The following ADK variants were observed in gnomAD, a reference collection of about 807,000 sequenced individuals.
ADK encodes adenosine kinase, also known as N6,N6-dimethyladenosine kinase.
Under a neutral mutation model 44.7 loss-of-function variants are expected in ADK, and 24 were observed. The ratio of observed to expected loss-of-function variants is 0.54; its 90% CI spans 0.39 to 0.76. The LOEUF (loss-of-function observed/expected upper bound fraction) is 0.76, where lower values mean the gene tolerates loss of function less well. Ranked by LOEUF, ADK falls within the 30% of genes least tolerant of loss-of-function variation. The pLI is 0.00. For synonymous variants in ADK, 128 were observed against 142.6 expected (o/e 0.90, Z 0.73); for missense variants, 321 against 425.1 (o/e 0.76, Z 2.15).
intron 6 of ADK, among the ~76,000 whole-genome samples, chr10:74,520,320 T>G (rs928058181): frequency 1.4e-5 from 2 of 144,196 alleles, no homozygotes; most frequent in African/African-American, 5.8e-5. Flanking sequence ...AACAAAGTCT[T>G]TTTTTTTTCT....
At chr10:74,539,314 G>A (rs1467598054) in intron 7 of ADK, among the ~76,000 whole-genome samples, 1 of 152,092 alleles carries the variant, frequency 6.6e-6, no homozygotes, top group Non-Finnish European at 1.5e-5. Context: ...AGGCATGAGC[G>A]ACCAAGCCTG....
intron 9 of ADK, among the ~76,000 whole-genome samples, chr10:74,618,612 TGAAAG>T (rs1852865020): frequency 6.6e-6 from 1 of 152,188 alleles, no homozygotes; most frequent in African/African-American, 2.4e-5. Flanking sequence ...TTTGTTTGTC[TGAAAG>T]TTTCCTTTTG....
intron 6 of ADK, among the ~76,000 whole-genome samples, chr10:74,456,473 G>A (rs919566526): frequency 6.6e-6 from 1 of 151,920 alleles, no homozygotes; most frequent in African/African-American, 2.4e-5. Context: ...AGGAGATCGA[G>A]ACCATCCTGG....
At chr10:74,556,752 T>C (rs891092024) in intron 7 of ADK, among the ~76,000 whole-genome samples, 24 of 152,226 alleles carry the variant, frequency 1.6e-4, no homozygotes, top group South Asian at 4.1e-4. Flanking sequence ...GGCATGCTAT[T>C]AGTTCCTTTT....
At chr10:74,591,896 C>T (rs1352885078) in intron 8 of ADK, among the ~76,000 whole-genome samples, 1 of 152,126 alleles carries the variant, frequency 6.6e-6, no homozygotes, top group African/African-American at 2.4e-5. Flanking sequence ...AGTATTGCCA[C>T]TAGTGATCTG....
At chr10:74,378,657 AC>A (rs1282535410) in intron 4 of ADK, among the ~76,000 whole-genome samples, 2 of 152,220 alleles carry the variant, frequency 1.3e-5, no homozygotes, top group Admixed American at 6.5e-5. Context: ...CAGAAGCAAC[AC>A]TTTACAATGT....
At chr10:74,658,864 C>G (rs1023628566) in intron 9 of ADK, among the ~76,000 whole-genome samples, 6 of 151,824 alleles carry the variant, frequency 4.0e-5, no homozygotes, top group Non-Finnish European at 5.9e-5. Context: ...TAACAGAAAC[C>G]TCGTTAATTC....
chr10:74,618,367 TGCA>T (rs967514350), intron 9 of ADK, among the ~76,000 whole-genome samples: 8 of 152,320 alleles, frequency 5.3e-5, no homozygotes, highest in Admixed American at 5.2e-4. Context: ...CTCAGCTCAC[TGCA>T]GCCTCCACCT....
chr10:74,549,026 C>A (rs1026666506), intron 7 of ADK, among the ~76,000 whole-genome samples: 1 of 152,182 alleles, frequency 6.6e-6, no homozygotes, highest in Non-Finnish European at 1.5e-5. Context: ...ACAGACATGG[C>A]TTCTACCCTC....
intron 4 of ADK, among the ~76,000 whole-genome samples, chr10:74,352,505 T>C (rs111939889): frequency 5.9e-5 from 9 of 152,318 alleles, no homozygotes; most frequent in African/African-American, 2.2e-4. Flanking sequence ...ATTCAGGACA[T>C]AGGCATGGGC....
chr10:74,527,496 GGA>G, intron 7 of ADK: 2 of 591,972 alleles, frequency 3.4e-6, no homozygotes, highest in Non-Finnish European at 6.1e-6. Flanking sequence ...TCTTAATTAA[GGA>G]GAGAATGTGG....
At chr10:74,402,090 A>G (rs1843735991) in intron 6 of ADK, among the ~76,000 whole-genome samples, 1 of 152,148 alleles carries the variant, frequency 6.6e-6, no homozygotes, top group African/African-American at 2.4e-5. Context: ...TGGCTTGTAG[A>G]GTGTCTGCAG....
chr10:74,600,546 C>CAAA (rs200627441), intron 9 of ADK, 53 bp downstream of exon 9: 9 of 1,158,024 alleles, frequency 7.8e-6, no homozygotes, highest in Non-Finnish European at 1.1e-5. Flanking sequence ...TAATCAATTA[C>CAAA]AAAAAAAAAT....
intron 1 of ADK, among the ~76,000 whole-genome samples, chr10:74,155,557 TC>T (rs981428293): frequency 6.6e-6 from 1 of 152,132 alleles, no homozygotes; most frequent in African/African-American, 2.4e-5. Flanking sequence ...TGAGACAGAG[TC>T]TCGCTCTGTC....
intron 9 of ADK, among the ~76,000 whole-genome samples, chr10:74,633,283 A>G (rs1444909130): frequency 6.6e-6 from 1 of 152,150 alleles, no homozygotes; most frequent in African/African-American, 2.4e-5. Context: ...TGCTTAATAT[A>G]TCTTAGAGAT....
At chr10:74,301,372 G>A (rs1840025535) in intron 3 of ADK, among the ~76,000 whole-genome samples, 1 of 151,788 alleles carries the variant, frequency 6.6e-6, no homozygotes, top group Admixed American at 6.6e-5. Flanking sequence ...AAATTAGCTG[G>A]GCGTGGTGGC....
At chr10:74,213,714 TA>T (rs1044927288) in intron 2 of ADK, among the ~76,000 whole-genome samples, 1 of 152,170 alleles carries the variant, frequency 6.6e-6, no homozygotes, top group Non-Finnish European at 1.5e-5. Context: ...TCTAGTAAAG[TA>T]ATGCCTAAAA....
chr10:74,272,303 G>C (rs901618573), intron 3 of ADK, among the ~76,000 whole-genome samples: 2 of 151,154 alleles, frequency 1.3e-5, no homozygotes, highest in Non-Finnish European at 2.9e-5. Flanking sequence ...TTTGAGACAG[G>C]GTCTCACTCT....
intron 2 of ADK, among the ~76,000 whole-genome samples, chr10:74,218,685 C>A (rs1014675130): frequency 7.8e-4 from 119 of 152,340 alleles, no homozygotes; most frequent in African/African-American, 2.7e-3. Flanking sequence ...AAAAACTCTA[C>A]AAGCCAGAAG....
Sources: allele counts gnomAD v4.1 joint callset (sites outside exome capture counted in the v4.1 genomes callset), GRCh38; gene constraint gnomAD v4.1.1; transcripts MANE v1.5; gene names NCBI Gene and HGNC (gene_info 2026-07-23, HGNC 2026-07-21).